The following SLC35D4 variants were observed in gnomAD, a reference collection of about 807,000 sequenced individuals.
The protein encoded by SLC35D4 is solute carrier family 35 member D4.
the SLC35D4 span, among the ~76,000 whole-genome samples, chr18:23,403,621 TA>T: frequency 6.6e-6 from 1 of 152,186 alleles, no homozygotes; most frequent in African/African-American, 2.4e-5. Flanking sequence ...CTGGCTGTAG[TA>T]CGGAGAACAC....
chr18:23,306,573 T>C, the SLC35D4 span, among the ~76,000 whole-genome samples: 3 of 152,246 alleles, frequency 2.0e-5, no homozygotes, highest in Non-Finnish European at 2.9e-5. Context: ...CCCAAAGTGC[T>C]AGGATTACAG....
At chr18:23,248,096 C>T in the SLC35D4 span, among the ~76,000 whole-genome samples, 10 of 152,370 alleles carry the variant, frequency 6.6e-5, no homozygotes, top group South Asian at 2.1e-4. Context: ...GGGCCTGGCG[C>T]GCTCTGCCAC....
At chr18:23,278,291 C>T in the SLC35D4 span, among the ~76,000 whole-genome samples, 3 of 152,190 alleles carry the variant, frequency 2.0e-5, no homozygotes, top group African/African-American at 7.2e-5. Flanking sequence ...GGAACCCACA[C>T]AACCTAGGGA....
At chr18:23,275,613 T>C in the SLC35D4 span, among the ~76,000 whole-genome samples, 5 of 127,990 alleles carry the variant, frequency 3.9e-5, no homozygotes, top group African/African-American at 1.4e-4. Flanking sequence ...TGTGCTGTGC[T>C]GTGCTGTGCT....
the SLC35D4 span, chr18:23,297,913 A>G: frequency 6.9e-7 from 1 of 1,457,354 alleles, no homozygotes; most frequent in Non-Finnish European, 9.5e-7. Flanking sequence ...TTTCTGACAC[A>G]TCCAACAGGG....
At chr18:23,405,661 AG>A in the SLC35D4 span, among the ~76,000 whole-genome samples, 1 of 152,222 alleles carries the variant, frequency 6.6e-6, no homozygotes, top group Non-Finnish European at 1.5e-5. Context: ...TGGGAGAGGT[AG>A]GCAATAAGTA....
chr18:23,390,933 T>TA, the SLC35D4 span, among the ~76,000 whole-genome samples: 3 of 152,104 alleles, frequency 2.0e-5, no homozygotes, highest in African/African-American at 7.2e-5. Context: ...ATGCAAGAAA[T>TA]AATGTTCCTA....
chr18:23,414,331 A>AAGGAAGGAAGGC, the SLC35D4 span, among the ~76,000 whole-genome samples: 6,153 of 140,060 alleles, frequency 0.044, 192 homozygotes, highest in Middle Eastern at 0.072. Context: ...GGAAGGAAGG[A>AAGGAAGGAAGGC]AGGCAGGCAG....
the SLC35D4 span, among the ~76,000 whole-genome samples, chr18:23,241,755 T>G: frequency 6.6e-6 from 1 of 152,166 alleles, no homozygotes; most frequent in Non-Finnish European, 1.5e-5. Context: ...ATGTTTATCT[T>G]TGTGCGTGTG....
chr18:23,286,715 C>T, the SLC35D4 span, among the ~76,000 whole-genome samples: 1 of 152,046 alleles, frequency 6.6e-6, no homozygotes, highest in African/African-American at 2.4e-5. Flanking sequence ...GACGGCCAGG[C>T]TTCTAAACCT....
At chr18:23,381,585 C>T in the SLC35D4 span, among the ~76,000 whole-genome samples, 2 of 152,184 alleles carry the variant, frequency 1.3e-5, no homozygotes, top group African/African-American at 4.8e-5. Context: ...ACAACAACAA[C>T]AACAACAACA....
the SLC35D4 span, among the ~76,000 whole-genome samples, chr18:23,386,850 T>C: frequency 1.3e-5 from 2 of 152,052 alleles, no homozygotes; most frequent in African/African-American, 4.8e-5. Context: ...TCCTAATGGA[T>C]AGGTAGCCTT....
chr18:23,288,027 T>C, the SLC35D4 span, among the ~76,000 whole-genome samples: 2 of 152,184 alleles, frequency 1.3e-5, no homozygotes, highest in African/African-American at 2.4e-5. Context: ...CTGAAGCATA[T>C]ACTTTCTGCT....
the SLC35D4 span, among the ~76,000 whole-genome samples, chr18:23,274,853 C>T: frequency 1.3e-5 from 2 of 152,206 alleles, no homozygotes; most frequent in African/African-American, 2.4e-5. Flanking sequence ...TGGAGCAGTC[C>T]CATCGCCTCA....
chr18:23,371,312 C>G, the SLC35D4 span: 2 of 848,754 alleles, frequency 2.4e-6, no homozygotes, highest in African/African-American at 3.6e-5. Flanking sequence ...CCAGGCTGGT[C>G]TTCCATTCCT....
chr18:23,382,514 A>C, the SLC35D4 span, among the ~76,000 whole-genome samples: 1 of 152,048 alleles, frequency 6.6e-6, no homozygotes, highest in East Asian at 1.9e-4. Flanking sequence ...CACTGATCCT[A>C]AGACACCAAT....
chr18:23,318,210 C>G, the SLC35D4 span, among the ~76,000 whole-genome samples: 6 of 152,078 alleles, frequency 3.9e-5, no homozygotes, highest in Non-Finnish European at 8.8e-5. Context: ...CATCTTTTTC[C>G]TGGGCTTAGT....
the SLC35D4 span, among the ~76,000 whole-genome samples, chr18:23,424,258 G>A: frequency 7.9e-5 from 12 of 152,200 alleles, no homozygotes; most frequent in Non-Finnish European, 1.6e-4. Flanking sequence ...GAGTTGTGCA[G>A]TTAAATGGAG....
At chr18:23,254,530 T>C in the SLC35D4 span, among the ~76,000 whole-genome samples, 39 of 152,346 alleles carry the variant, frequency 2.6e-4, no homozygotes, top group Non-Finnish European at 5.1e-4. Flanking sequence ...TTTGTTACAG[T>C]TCCCAAGAGG....
Sources: allele counts gnomAD v4.1 joint callset (sites outside exome capture counted in the v4.1 genomes callset), GRCh38; gene constraint gnomAD v4.1.1; transcripts MANE v1.5; gene names NCBI Gene and HGNC (gene_info 2026-07-23, HGNC 2026-07-21).